EDA: variants seen among roughly 807,000 people sequenced by gnomAD.
EDA encodes the protein ectodysplasin A.
In EDA, 2 loss-of-function variants were observed where a neutral mutation model predicts 23.6. The observed-to-expected ratio is 0.08, with a 90% CI of 0.03 to 0.27. The LOEUF (loss-of-function observed/expected upper bound fraction) is 0.27. Ranked by LOEUF, EDA falls within the 10% of genes least tolerant of loss-of-function variation. The pLI, the probability that EDA is intolerant of heterozygous loss-of-function variation, is 1.00. For missense variants in EDA, 229 were observed against 324.2 expected, an observed-to-expected ratio of 0.71 and a Z score of 2.26; for synonymous variants, 131 against 132.0, an observed-to-expected ratio of 0.99 and a Z score of 0.05.
chrX:69,925,812 A>C (rs1258987448), intron 1 of EDA, among the ~76,000 whole-genome samples: 1 of 83,625 alleles, frequency 1.2e-5, no homozygotes, highest in East Asian at 3.4e-4. Flanking sequence ...TTGGTAGTCT[A>C]TTAATTACTG....
At chrX:69,677,779 G>A (rs951616134) in intron 1 of EDA, among the ~76,000 whole-genome samples, 1 of 111,716 alleles carries the variant, frequency 9.0e-6, no homozygotes, top group Non-Finnish European at 1.9e-5. Context: ...TAGGTTGCCT[G>A]TTCACTCTGA....
intron 1 of EDA, among the ~76,000 whole-genome samples, chrX:69,670,579 T>TA (rs1743425052): frequency 9.0e-6 from 1 of 110,950 alleles, no homozygotes; most frequent in Non-Finnish European, 1.9e-5. Flanking sequence ...TTAAGTCCCA[T>TA]AGGCTGTTTT....
intron 1 of EDA, among the ~76,000 whole-genome samples, chrX:69,949,110 A>C (rs1343270444): frequency 1.8e-5 from 2 of 111,912 alleles, no homozygotes; most frequent in Non-Finnish European, 3.8e-5. Flanking sequence ...TAAGAAAAAT[A>C]GATTTTATAT....
chrX:69,753,074 C>A (rs1189292360), intron 1 of EDA, among the ~76,000 whole-genome samples: 5 of 111,743 alleles, frequency 4.5e-5, no homozygotes, highest in African/African-American at 1.6e-4. Flanking sequence ...GTCTCTATCT[C>A]CTTCAGTTCT....
intron 1 of EDA, among the ~76,000 whole-genome samples, chrX:69,929,115 T>C (rs760164146): frequency 3.6e-5 from 4 of 111,693 alleles, no homozygotes; most frequent in African/African-American, 1.3e-4. Context: ...TCCACACAAC[T>C]AGGTACCAGC....
In EDA at chrX:70,030,486, A is replaced by G. The variant is rs757048479; in HGVS notation, c.759A>G (p.Leu253=). The G allele has an allele frequency of 1.1e-5, 13 of 1,205,608 alleles. No homozygotes were observed. The highest frequency in any genetic ancestry group is 4.4e-5 in the Admixed American group (2 of 45,565). ...TRENQPAVVH[L]QGQGSAIQVK... is the part of the protein sequence containing the mutation. ...CCTGCCAGCCAGCTGTGGTGCATCT[A>G]CAGGGCCAAGGGTCAGCAATTCAAG... Residue 253 remains leucine (L), a synonymous_variant, in exon 6 of 8, where the codon CTA becomes CTG. Coordinates refer to ENST00000374552, the MANE Select transcript of EDA (RefSeq NM_001399.5).
intron 1 of EDA, among the ~76,000 whole-genome samples, chrX:69,852,506 A>G (rs1434752817): frequency 1.8e-5 from 2 of 111,825 alleles, no homozygotes; most frequent in Non-Finnish European, 3.8e-5. Context: ...AACTAGGGGT[A>G]GTGAGCTACT....
At chrX:69,821,903 C>T (rs771578072) in intron 1 of EDA, among the ~76,000 whole-genome samples, 35 of 111,738 alleles carry the variant, frequency 3.1e-4, no homozygotes, top group African/African-American at 1.1e-3. Context: ...GTTGTGCCAC[C>T]ATCACTACCA....
At chrX:69,995,595 T>C (rs1317018447) in intron 2 of EDA, among the ~76,000 whole-genome samples, 1 of 111,958 alleles carries the variant, frequency 8.9e-6, no homozygotes, top group African/African-American at 3.3e-5. Context: ...AGTAATATCT[T>C]CAGAAGCAGA....
In EDA at chrX:69,944,143, A is replaced by G; in HGVS notation, c.397-12884A>G. ...GCCGAGGCCTAGAATTTGGGACCCC[A>G]AGAACCCACTTGGTGCTCTACCCCA... is the stretch of plus-strand genomic sequence containing the variant. On this transcript the variant is annotated intron_variant, in intron 1 of 7. Transcript: ENST00000374552. Among the ~76,000 whole-genome samples the G allele has an allele frequency of 3.6e-5, 4 of 111,748 alleles. No homozygotes were observed. In the Middle Eastern group the frequency reaches 0.018, roughly 513 times the overall value.
rs1161099823 is a variant in EDA, at chrX:69,616,308, C to T, written c.-1C>T. The T allele has an allele frequency of 8.4e-7, 1 of 1,190,121 alleles. No homozygotes were observed. Among genetic ancestry groups the T allele is most frequent in the Non-Finnish European group, 1.1e-6 (1 of 889,016 alleles). ...CAAGAGAGTGGGTGTCTCCGGAGGC[C>T]ATGGGCTACCCGGAGGTGGAGCGCA... On this transcript the variant is annotated 5_prime_UTR_variant, in exon 1 of 8. Transcript: ENST00000374552.
At chrX:69,925,730 G>A (rs2018506739) in intron 1 of EDA, among the ~76,000 whole-genome samples, 2 of 108,398 alleles carry the variant, frequency 1.8e-5, no homozygotes, top group African/African-American at 3.3e-5. Context: ...AATGGTACCA[G>A]CTTCTCTTTG....
chrX:70,020,012 A>G (rs915119522), intron 2 of EDA, among the ~76,000 whole-genome samples: 2 of 112,117 alleles, frequency 1.8e-5, no homozygotes, highest in Non-Finnish European at 3.8e-5. Context: ...CTGTATGCCA[A>G]AATCTATACC....
At chrX:69,694,366 T>C (rs1385223544) in intron 1 of EDA, among the ~76,000 whole-genome samples, 1 of 112,494 alleles carries the variant, frequency 8.9e-6, no homozygotes, top group East Asian at 2.8e-4. Context: ...TGACTTGTTA[T>C]GAAAATCTGC....
At chrX:69,783,924 C>T (rs768605413) in intron 1 of EDA, among the ~76,000 whole-genome samples, 60 of 104,189 alleles carry the variant, frequency 5.8e-4, no homozygotes, top group African/African-American at 2.1e-3. Context: ...TAAAAGTGTT[C>T]CTATTTCTCC....
chrX:69,635,065 C>T (rs976538378), intron 1 of EDA, among the ~76,000 whole-genome samples: 9 of 112,112 alleles, frequency 8.0e-5, no homozygotes, highest in Admixed American at 3.8e-4. Flanking sequence ...CTATACCATC[C>T]AGATTTGTGT....
In EDA at chrX:70,037,846, A is replaced by G. The variant is rs1020111673; in HGVS notation, c.*2237A>G. On this transcript the variant is annotated 3_prime_UTR_variant, in exon 8 of 8. Coordinates refer to ENST00000374552, the MANE Select transcript of EDA (RefSeq NM_001399.5). ...GAACAGCCTTAGAGCTCTTGTGTTC[A>G]GAAGAATCTTCCTGGCACAATGTTG... is the stretch of plus-strand genomic sequence containing the variant. The G allele has an allele frequency of 1.8e-5, 2 of 112,013 alleles. No homozygotes were observed. The highest frequency in any genetic ancestry group is 6.5e-5 in the African/African-American group (2 of 30,762). The allele number at this position is 112,013 out of a possible 1,213,427, so 9.2% of individuals were successfully genotyped here.
intron 1 of EDA, among the ~76,000 whole-genome samples, chrX:69,721,755 G>T (rs1409870186): frequency 9.0e-6 from 1 of 111,369 alleles, no homozygotes; most frequent in Admixed American, 9.5e-5. Flanking sequence ...TAGCTTTGCT[G>T]TTCTTCCATT....
At chrX:69,849,721 C>T (rs1255599620) in intron 1 of EDA, among the ~76,000 whole-genome samples, 1 of 111,775 alleles carries the variant, frequency 8.9e-6, no homozygotes, top group Non-Finnish European at 1.9e-5. Context: ...GAATGTCATG[C>T]TTTGCAAGCT....
Sources: allele counts gnomAD v4.1 joint callset (sites outside exome capture counted in the v4.1 genomes callset), GRCh38; gene constraint gnomAD v4.1.1; transcripts MANE v1.5; gene names NCBI Gene and HGNC (gene_info 2026-07-23, HGNC 2026-07-21).